Variants in PCDHA5 observed in about 807,000 individuals in gnomAD.
The protein encoded by PCDHA5 is protocadherin alpha 5, also known as protocadherin alpha-5.
PCDHA5 carries 43 observed loss-of-function variants against 61.6 expected under a neutral mutation model. The ratio of observed to expected loss-of-function variants is 0.70; its 90% CI spans 0.55 to 0.90. PCDHA5 has a LOEUF of 0.90. PCDHA5 is among the 40% of genes least tolerant of loss of function. PCDHA5 has a pLI of 0.00. For synonymous variants in PCDHA5, 627 were observed against 543.9 expected, an observed-to-expected ratio of 1.15 and a Z score of -2.13; for missense variants, 1,298 against 1,222.7, an observed-to-expected ratio of 1.06 and a Z score of -0.92.
intron 1 of PCDHA5, among the ~76,000 whole-genome samples, chr5:140,956,666 G>T (rs1232573740): frequency 6.6e-6 from 1 of 152,088 alleles, no homozygotes; most frequent in African/African-American, 2.4e-5. Flanking sequence ...GGCCTTAAAG[G>T]AGTTAGGGAG....
intron 1 of PCDHA5, chr5:140,883,585 C>G: frequency 6.2e-7 from 1 of 1,614,028 alleles, no homozygotes; most frequent in Non-Finnish European, 8.5e-7. Flanking sequence ...GGGCCACGGC[C>G]AGCGTGTCGG....
At chr5:140,883,682 T>G (rs2059750474) in intron 1 of PCDHA5, 1 of 1,613,604 alleles carries the variant, frequency 6.2e-7, no homozygotes. Context: ...TCCGCCGGGC[T>G]GCCACATCTT....
chr5:140,841,362 T>A, intron 1 of PCDHA5: 1 of 1,613,494 alleles, frequency 6.2e-7, no homozygotes, highest in African/African-American at 1.3e-5. Flanking sequence ...TCCTGGCGAC[T>A]ACTACTCTTG....
At chr5:140,947,642 C>T (rs62384502) in intron 1 of PCDHA5, among the ~76,000 whole-genome samples, 2 of 151,520 alleles carry the variant, frequency 1.3e-5, no homozygotes, top group East Asian at 1.9e-4. Context: ...ATCGTATGAA[C>T]ATATATACCT....
rs782343836 is a variant in PCDHA5 at position 140,869,112 on chromosome 5, T to C, written c.2352+44985T>C. 17 of 1,604,108 alleles carry C rather than the reference T, an allele frequency of 1.1e-5. No individual in the cohort carries two copies. The South Asian group carries it at 1.5e-4, about 15-fold the overall frequency. On this transcript the variant is annotated intron_variant, in intron 1 of 3. Coordinates refer to ENST00000529859, the MANE Select transcript of PCDHA5 (RefSeq NM_018908.3). ...AGCCAATTTCGTATGCGATGTTTGG[T>C]TTTCAGAGAAGGGGATTGGGCACCC...
intron 1 of PCDHA5, among the ~76,000 whole-genome samples, chr5:140,943,236 TCA>T (rs1454947972): frequency 5.6e-5 from 7 of 124,930 alleles, no homozygotes; most frequent in African/African-American, 1.9e-4. Flanking sequence ...CCAGCCTGGG[TCA>T]CAGAGTGAGA....
chr5:140,992,698 A>G (rs764226558), intron 3 of PCDHA5, among the ~76,000 whole-genome samples: 4 of 152,094 alleles, frequency 2.6e-5, no homozygotes, highest in Non-Finnish European at 4.4e-5. Flanking sequence ...GGGGTGGGTA[A>G]TGTTCCTGCC....
chr5:140,879,989 C>T (rs1223310901), intron 1 of PCDHA5, among the ~76,000 whole-genome samples: 3 of 152,182 alleles, frequency 2.0e-5, no homozygotes, highest in African/African-American at 7.2e-5. Flanking sequence ...AGATCCTTAA[C>T]TTAATCATAT....
chr5:140,858,005 C>T, intron 1 of PCDHA5: 1 of 1,596,884 alleles, frequency 6.3e-7, no homozygotes, highest in East Asian at 2.2e-5. Flanking sequence ...GGTGAAGGAC[C>T]ATGGCGAGCC....
chr5:140,985,813 CA>C lies in PCDHA5; in HGVS notation c.2500+3251del, dbSNP rs527803363. 8.2e-5 allele frequency among the ~76,000 whole-genome samples: 12 copies of C among 146,604 alleles called. No homozygotes were observed. In the East Asian group the frequency reaches 2.3e-3, roughly 28 times the overall value. ...GGAGTGCAGTGGCACGATCTCAGCT[CA>C]CAACAAGCTCTGCCTCCCGGGTTCA... On this transcript the variant is annotated intron_variant, in intron 3 of 3. Transcript: ENST00000529859.
intron 1 of PCDHA5, chr5:140,929,259 G>A (rs782558603): frequency 4.7e-5 from 76 of 1,612,754 alleles, no homozygotes; most frequent in Non-Finnish European, 6.2e-5. Context: ...GGGTAGGACT[G>A]AATTTGCCAA....
At position 140,855,877 on chromosome 5, in the gene PCDHA5, C is replaced by A. The variant is rs577890350; in HGVS notation, c.2352+31750C>A. ...GATGTCGCTGTCGTCCACAAAATAG[C>A]TTTTTAGAACAAAGGCATCAGCCAG... is the stretch of plus-strand genomic sequence containing the variant. On this transcript the variant is annotated intron_variant, in intron 1 of 3. Coordinates refer to ENST00000529859, the MANE Select transcript of PCDHA5 (RefSeq NM_018908.3). 6.7e-6 allele frequency: 6 copies of A among 896,996 alleles called. 1 individual carries two copies. Among genetic ancestry groups the A allele is most frequent in the Non-Finnish European group, 9.9e-6 (6 of 604,068 alleles). 55.6% of individuals were successfully genotyped at this position (896,996 alleles called of 1,614,324 possible).
chr5:140,985,554 A>G (rs1563525071), intron 3 of PCDHA5, among the ~76,000 whole-genome samples: 1 of 152,114 alleles, frequency 6.6e-6, no homozygotes, highest in Non-Finnish European at 1.5e-5. Flanking sequence ...GTTGCTTCCA[A>G]AAGGCTTCTT....
chr5:140,894,678 G>A (rs2064610623), intron 1 of PCDHA5, among the ~76,000 whole-genome samples: 2 of 151,110 alleles, frequency 1.3e-5, no homozygotes, highest in African/African-American at 4.9e-5. Flanking sequence ...TTCTTGCATA[G>A]CTTTTCATTA....
At chr5:140,910,874 A>T (rs1285814930) in intron 1 of PCDHA5, among the ~76,000 whole-genome samples, 2 of 151,996 alleles carry the variant, frequency 1.3e-5, no homozygotes, top group African/African-American at 4.8e-5. Flanking sequence ...ATTATCCCAC[A>T]CCCTTAATAT....
intron 1 of PCDHA5, among the ~76,000 whole-genome samples, chr5:140,934,191 C>T (rs563342404): frequency 6.6e-6 from 1 of 152,224 alleles, no homozygotes; most frequent in African/African-American, 2.4e-5. Flanking sequence ...ACATACTTTT[C>T]ATTTCTATTT....
At chr5:140,869,226 C>T (rs1428940405) in intron 1 of PCDHA5, 5 of 1,613,644 alleles carry the variant, frequency 3.1e-6, no homozygotes, top group African/African-American at 1.3e-5. Context: ...AGGCCAAACA[C>T]GGCACCTTCG....
intron 1 of PCDHA5, among the ~76,000 whole-genome samples, chr5:140,840,240 T>A (rs1483870006): frequency 1.3e-5 from 2 of 152,050 alleles, no homozygotes; most frequent in Non-Finnish European, 2.9e-5. Context: ...GGAGAATCAC[T>A]ATGCTATAAA....
At chr5:140,855,255 A>G (rs2043396159) in intron 1 of PCDHA5, among the ~76,000 whole-genome samples, 1 of 149,836 alleles carries the variant, frequency 6.7e-6, no homozygotes, top group Non-Finnish European at 1.5e-5. Context: ...AGCACTTACT[A>G]TATTATAATT....
Sources: gnomAD v4.1 joint callset for allele counts (sites outside exome capture counted in the v4.1 genomes callset) on GRCh38, gnomAD v4.1.1 for gene constraint, MANE v1.5 for transcripts, NCBI Gene and HGNC (gene_info 2026-07-23, HGNC 2026-07-21) for gene names.